The following BTBD8 variants were observed in gnomAD, a reference collection of about 807,000 sequenced individuals.
BTBD8 encodes BTB/POZ domain-containing protein 8.
A neutral mutation model predicts 162.9 loss-of-function variants in BTBD8; 110 were observed. That is an observed-to-expected ratio of 0.68 (90% CI 0.58 to 0.79). The LOEUF is 0.79. BTBD8 is among the 30% of genes least tolerant of loss of function. BTBD8 has a pLI of 0.00. For missense variants in BTBD8, 1,905 were observed against 2,085.4 expected, an observed-to-expected ratio of 0.91 and a Z score of 1.68; for synonymous variants, 667 against 716.1, an observed-to-expected ratio of 0.93 and a Z score of 1.10.
Position 92,176,952 on chromosome 1 carries a change from T to C in BTBD8, c.1759T>C (p.Ser587Pro). The C allele has an allele frequency of 6.5e-7, 1 of 1,546,358 alleles. No individual in the cohort carries two copies. Among genetic ancestry groups the C allele is most frequent in the Non-Finnish European group, 8.7e-7 (1 of 1,143,924 alleles). The change falls in exon 14 of 18, where the codon TCT (serine) becomes CCT (proline). Residue 587 changes from serine (S) to proline (P), a missense_variant. This residue lies in a region of BTBD8 where 1,374 missense variants were observed against 1,442.7 expected (regional missense o/e 0.95). Transcript: ENST00000636805. The stretch of plus-strand genomic sequence containing the variant: ...GATGAAATCTGATGGATTAGGAGCA[T>C]CTGGACATTCGTCAAGTACCAATAG... ...KKMKSDGLGASGHSSSTNRNS... is the reference protein window; with the variant it reads ...KKMKSDGLGAPGHSSSTNRNS...
chr1:92,153,962 A>G (rs1570747863), intron 9 of BTBD8, among the ~76,000 whole-genome samples: 1 of 152,262 alleles, frequency 6.6e-6, no homozygotes, highest in East Asian at 1.9e-4. Context: ...GATTTGGGTC[A>G]TGGGGGCAGA....
At chr1:92,117,791 C>T (rs1178650056) in intron 4 of BTBD8, among the ~76,000 whole-genome samples, 1 of 152,034 alleles carries the variant, frequency 6.6e-6, no homozygotes, top group African/African-American at 2.4e-5. Flanking sequence ...TTTGTCCTTC[C>T]TGTGCATTGA....
intron 9 of BTBD8, among the ~76,000 whole-genome samples, chr1:92,151,481 A>G (rs1171244599): frequency 2.0e-5 from 3 of 152,110 alleles, no homozygotes; most frequent in Admixed American, 2.0e-4. Flanking sequence ...GCCCAGCTAT[A>G]GTTCTGTTCA....
At chr1:92,144,376 G>A (rs1290998879) in intron 7 of BTBD8, among the ~76,000 whole-genome samples, 5 of 151,952 alleles carry the variant, frequency 3.3e-5, no homozygotes, top group Non-Finnish European at 5.9e-5. Flanking sequence ...ATGGGCAGTC[G>A]GCCCCAGAAC....
rs148869716 is a variant in BTBD8, at chr1:92,131,378, A to G, written c.752+1602A>G. On this transcript the variant is annotated intron_variant, in intron 5 of 17. Transcript: ENST00000636805. The stretch of plus-strand genomic sequence containing the variant: ...GAAGTGAGTTGTTTTCACTACTTGT[A>G]TCTACCTTTTATTTGTTTTCATTTA... Among the ~76,000 whole-genome samples the G allele has an allele frequency of 7.2e-5, 11 of 152,330 alleles. No individual in the cohort carries two copies. In the East Asian group the frequency reaches 2.1e-3, roughly 29 times the overall value.
In BTBD8 at chr1:92,163,776, C is replaced by T. The variant is rs1033464009; in HGVS notation, c.1123-3182C>T. Among the ~76,000 whole-genome samples the T allele has an allele frequency of 1.1e-4, 16 of 152,026 alleles. 1 individual carries two copies. Among genetic ancestry groups the T allele is most frequent in the African/African-American group, 3.9e-4 (16 of 41,390 alleles). The stretch of plus-strand genomic sequence containing the variant: ...TTCTGTTTCTTTGAATCTCGAGGTA[C>T]TCTAACATTTAATGTTTATCATATA... On this transcript the variant is annotated intron_variant, in intron 9 of 17. Transcript: ENST00000636805.
chr1:92,132,741 T>G (rs998125137), intron 5 of BTBD8, among the ~76,000 whole-genome samples: 2 of 152,216 alleles, frequency 1.3e-5, no homozygotes, highest in Non-Finnish European at 2.9e-5. Flanking sequence ...CACTGGTTCA[T>G]TTTACCTAGA....
Position 92,080,540 on chromosome 1 carries a change from T to G in BTBD8, c.-32T>G, listed in dbSNP as rs779229559. On this transcript the variant is annotated 5_prime_UTR_variant, in exon 1 of 18. Transcript: ENST00000636805. ...GGGCGGGGCAAGTGAGGCCAAGTAC[T>G]GGGCCTCCAGGGCGTCGTACCTCTG... is the stretch of plus-strand genomic sequence containing the variant. The G allele has an allele frequency of 1.2e-6, 2 of 1,611,030 alleles. No individual in the cohort carries two copies. The highest frequency in any genetic ancestry group is 3.4e-5 in the Admixed American group (2 of 59,300).
At chr1:92,091,998 A>G (rs1648314938) in intron 2 of BTBD8, among the ~76,000 whole-genome samples, 1 of 152,068 alleles carries the variant, frequency 6.6e-6, no homozygotes, top group Non-Finnish European at 1.5e-5. Context: ...CAAAATTTAT[A>G]TGTTGAAGCC....
In BTBD8 at chr1:92,107,898, G is replaced by C; in HGVS notation, c.559G>C (p.Glu187Gln). The C allele has an allele frequency of 1.9e-6, 3 of 1,613,060 alleles. No individual in the cohort carries two copies. The highest frequency in any genetic ancestry group is 3.3e-4 in the Middle Eastern group (2 of 6,058). ...DFISNDNYDL[E>Q]PASELGEDLL... ...CTTTTTTAAAGATAATTATGACTTG[G>C]AGCCTGCATCTGAATTAGGAGAAGA... is the stretch of plus-strand genomic sequence containing the variant. Residue 187 changes from glutamate to glutamine, a missense_variant, in exon 4 of 18, where the codon GAG becomes CAG. This residue lies in a region of BTBD8 where 1,374 missense variants were observed against 1,442.7 expected (regional missense o/e 0.95). Transcript: ENST00000636805.
chr1:92,089,121 G>C (rs1166767744), intron 2 of BTBD8, among the ~76,000 whole-genome samples: 1 of 152,098 alleles, frequency 6.6e-6, no homozygotes, highest in Non-Finnish European at 1.5e-5. Context: ...TATTAGCTTA[G>C]TACTGGTAGA....
intron 4 of BTBD8, among the ~76,000 whole-genome samples, chr1:92,121,861 G>A (rs1174971618): frequency 6.7e-6 from 1 of 150,246 alleles, no homozygotes; most frequent in African/African-American, 2.4e-5. Flanking sequence ...TTTTGAGACA[G>A]AGTCTTGCTA....
intron 15 of BTBD8, 37 bp downstream of exon 15, chr1:92,177,935 CT>C: frequency 9.4e-7 from 1 of 1,066,398 alleles, no homozygotes; most frequent in Non-Finnish European, 1.4e-6. Context: ...TATCTGTTAG[CT>C]TTCTCTCAAA....
chr1:92,183,636 AATT>A (rs1333257078), intron 17 of BTBD8, among the ~76,000 whole-genome samples: 1 of 151,848 alleles, frequency 6.6e-6, no homozygotes, highest in Non-Finnish European at 1.5e-5. Context: ...AAGTATGGAG[AATT>A]ATTGTTAGTT....
At chr1:92,116,333 C>G (rs1354881396) in intron 4 of BTBD8, among the ~76,000 whole-genome samples, 1 of 152,002 alleles carries the variant, frequency 6.6e-6, no homozygotes, top group East Asian at 1.9e-4. Context: ...GTGGAGTGTT[C>G]TATAAATGAA....
In BTBD8 at chr1:92,122,266, T is replaced by TTA. The variant is rs943301977; in HGVS notation, c.663-7420_663-7419insAT. Among the ~76,000 whole-genome samples, 16 of 12,310 alleles carry TTA rather than the reference T, an allele frequency of 1.3e-3. No individual in the cohort carries two copies. In the African/African-American group the frequency reaches 0.023, roughly 18 times the overall value. The allele number at this position is 12,310 out of a possible 152,430, so 8.1% of individuals were successfully genotyped here. A position where few individuals can be genotyped will look rare whatever the true frequency, so the allele number is the denominator to read the frequency against. On this transcript the variant is annotated intron_variant, in intron 4 of 17. Transcript: ENST00000636805. ...CAGTATTTAGCTATTATTATTATTATTTTTTTTTTTTGAGACGGAGTCTTG... is the reference window on the plus strand; with the variant it reads ...CAGTATTTAGCTATTATTATTATTATTATTTTTTTTTTTGAGACGGAGTCTTG...
chr1:92,147,214 G>T lies in BTBD8; in HGVS notation c.965G>T (p.Cys322Phe), dbSNP rs1337196424. The T allele has an allele frequency of 6.2e-7, 1 of 1,612,364 alleles. No individual in the cohort carries two copies. Among genetic ancestry groups the T allele is most frequent in the African/African-American group, 1.3e-5 (1 of 74,858 alleles). ...AGAACATTGACGTCTATACTAGAAT[G>T]CCTGATTATTGCTCATTCAGTTGGA... ...VPRTLTSILE[C>F]LIIAHSVGVE... is the part of the protein sequence containing the mutation. The change falls in exon 8 of 18, where the codon TGC (cysteine) becomes TTC (phenylalanine). Residue 322 changes from cysteine to phenylalanine, a missense_variant. Transcript: ENST00000636805.
chr1:92,134,875 T>TTTAA (rs1311027802), intron 5 of BTBD8, among the ~76,000 whole-genome samples: 1 of 143,452 alleles, frequency 7.0e-6, no homozygotes, highest in Non-Finnish European at 1.5e-5. Flanking sequence ...TTTTATTTTA[T>TTTAA]TTAATTAATT....
intron 4 of BTBD8, among the ~76,000 whole-genome samples, chr1:92,117,129 T>C (rs1473375861): frequency 6.6e-6 from 1 of 151,874 alleles, no homozygotes; most frequent in African/African-American, 2.4e-5. Flanking sequence ...GGATTACAGG[T>C]GTGACCTACC....
Sources: gnomAD v4.1 joint callset for allele counts (sites outside exome capture counted in the v4.1 genomes callset) on GRCh38, gnomAD v4.1.1 for gene constraint, gnomAD v4.1.1 regional missense constraint, MANE v1.5 for transcripts, NCBI Gene and HGNC (gene_info 2026-07-23, HGNC 2026-07-21) for gene names.